Variants in TTC28 observed in about 807,000 individuals in gnomAD.
The protein encoded by TTC28 is tetratricopeptide repeat protein 28.
In TTC28, 61 loss-of-function variants were observed where a neutral mutation model predicts 198.0. The ratio of observed to expected loss-of-function variants is 0.31; its 90% CI spans 0.25 to 0.38. The LOEUF (loss-of-function observed/expected upper bound fraction) is 0.38, where lower values mean the gene tolerates loss of function less well. Among genes scored for constraint, TTC28 ranks in the 10% least tolerant of loss-of-function variants. The probability of loss-of-function intolerance (pLI) is 1.00; values close to 1 mark genes in which losing one functional copy is unlikely to be tolerated. For missense variants in TTC28, 2,678 were observed against 3,164.0 expected, an observed-to-expected ratio of 0.85 and a Z score of 3.69; for synonymous variants, 1,171 against 1,297.8, an observed-to-expected ratio of 0.90 and a Z score of 2.10.
At chr22:28,462,730 T>G (rs2047966508) in intron 2 of TTC28, among the ~76,000 whole-genome samples, 1 of 152,192 alleles carries the variant, frequency 6.6e-6, no homozygotes, top group Non-Finnish European at 1.5e-5. Flanking sequence ...GATTGGCATC[T>G]CATTCCCCAT....
At chr22:28,613,891 G>C (rs940002976) in intron 2 of TTC28, among the ~76,000 whole-genome samples, 2 of 152,166 alleles carry the variant, frequency 1.3e-5, no homozygotes, top group African/African-American at 4.8e-5. Flanking sequence ...CACAAGACAA[G>C]GATGCCCTTT....
chr22:28,571,685 T>C (rs2146027517), intron 2 of TTC28, among the ~76,000 whole-genome samples: 1 of 152,316 alleles, frequency 6.6e-6, no homozygotes, highest in Middle Eastern at 3.4e-3. Flanking sequence ...CGGTGGTTCA[T>C]GCCTGTAATC....
At chr22:28,498,241 C>T (rs554344780) in intron 2 of TTC28, among the ~76,000 whole-genome samples, 3 of 151,968 alleles carry the variant, frequency 2.0e-5, no homozygotes, top group African/African-American at 4.8e-5. Context: ...AATAAAACAA[C>T]GAACAGATCA....
At position 28,212,316 on chromosome 22, in the gene TTC28, C is replaced by T. The variant is rs138536739; in HGVS notation, c.934-48717G>A. On this transcript the variant is annotated intron_variant, in intron 5 of 22. Coordinates refer to ENST00000397906, the MANE Select transcript of TTC28 (RefSeq NM_001145418.2). ...GGAGATAGAGACACAAAAAACCCTTCAAAAAATCAAGGAATCCAGGAGCTG... is the reference window on the plus strand; with the variant it reads ...GGAGATAGAGACACAAAAAACCCTTTAAAAAATCAAGGAATCCAGGAGCTG... Among the ~76,000 whole-genome samples, 932 of 151,270 alleles carry T rather than the reference C, an allele frequency of 6.2e-3. 10 individuals are homozygous for T. The highest frequency in any genetic ancestry group is 8.8e-3 in the Non-Finnish European group (597 of 67,758).
intron 2 of TTC28, among the ~76,000 whole-genome samples, chr22:28,337,478 T>C (rs1214899939): frequency 6.6e-6 from 1 of 152,154 alleles, no homozygotes; most frequent in Non-Finnish European, 1.5e-5. Flanking sequence ...GGGGTCTAAG[T>C]CTCTTTGTAG....
intron 11 of TTC28, 62 bp from the exon 12 acceptor site, chr22:28,094,307 AAGGC>A: frequency 6.9e-7 from 1 of 1,443,810 alleles, no homozygotes; most frequent in Non-Finnish European, 9.2e-7. Context: ...GGAGAAGTTG[AAGGC>A]AGGGGACAGG....
intron 6 of TTC28, among the ~76,000 whole-genome samples, chr22:28,116,564 G>C (rs550947538): frequency 6.6e-6 from 1 of 152,318 alleles, no homozygotes; most frequent in Non-Finnish European, 1.5e-5. Context: ...GTTTGGAAAA[G>C]TCAGAGTGTG....
chr22:28,406,933 A>G (rs927069976), intron 2 of TTC28, among the ~76,000 whole-genome samples: 4 of 152,220 alleles, frequency 2.6e-5, no homozygotes, highest in Non-Finnish European at 5.9e-5. Flanking sequence ...TTACTGGACC[A>G]ATTTTGGCCC....
intron 2 of TTC28, among the ~76,000 whole-genome samples, chr22:28,425,553 T>C (rs1412390033): frequency 5.3e-5 from 8 of 152,236 alleles, no homozygotes; most frequent in East Asian, 1.9e-4. Context: ...CTCTGATATA[T>C]TGAATGGCTG....
intron 12 of TTC28, among the ~76,000 whole-genome samples, chr22:28,050,758 CA>C (rs1367318723): frequency 6.6e-6 from 1 of 152,072 alleles, no homozygotes; most frequent in Non-Finnish European, 1.5e-5. Context: ...AATATTATAG[CA>C]AAACTCATAC....
intron 2 of TTC28, among the ~76,000 whole-genome samples, chr22:28,352,202 A>C (rs2046006900): frequency 6.6e-6 from 1 of 152,064 alleles, no homozygotes; most frequent in African/African-American, 2.4e-5. Context: ...CTTATCCCTT[A>C]TTTAATAGCT....
At chr22:28,333,842 TTTTC>T (rs1386918169) in intron 2 of TTC28, among the ~76,000 whole-genome samples, 8 of 152,020 alleles carry the variant, frequency 5.3e-5, no homozygotes, top group Non-Finnish European at 1.2e-4. Flanking sequence ...AATCACTGTA[TTTTC>T]TTTATTTTTT....
At chr22:28,508,599 T>G (rs2048644007) in intron 2 of TTC28, among the ~76,000 whole-genome samples, 1 of 152,062 alleles carries the variant, frequency 6.6e-6, no homozygotes, top group Non-Finnish European at 1.5e-5. Context: ...AAACACACTT[T>G]AAACCAACAA....
intron 6 of TTC28, among the ~76,000 whole-genome samples, chr22:28,115,878 G>A (rs1483080775): frequency 6.6e-6 from 1 of 152,100 alleles, no homozygotes; most frequent in Non-Finnish European, 1.5e-5. Flanking sequence ...ACTCTGAGGA[G>A]CCTGCTATAA....
chr22:28,572,033 A>G (rs548298795), intron 2 of TTC28, among the ~76,000 whole-genome samples: 13 of 151,278 alleles, frequency 8.6e-5, no homozygotes, highest in Non-Finnish European at 1.6e-4. Context: ...AGAGAAACTC[A>G]TTGTATAAAG....
intron 2 of TTC28, among the ~76,000 whole-genome samples, chr22:28,620,421 T>C (rs1355752240): frequency 1.3e-5 from 2 of 152,044 alleles, no homozygotes; most frequent in African/African-American, 2.4e-5. Context: ...CTTACATAAT[T>C]CTGACTGAAA....
intron 5 of TTC28, among the ~76,000 whole-genome samples, chr22:28,259,618 T>C (rs1931183812): frequency 6.6e-6 from 1 of 151,884 alleles, no homozygotes; most frequent in African/African-American, 2.4e-5. Flanking sequence ...TATGAAAAAA[T>C]GTGTTGCATG....
In TTC28 at chr22:28,248,356, A is replaced by G. The variant is rs150511398; in HGVS notation, c.933+47842T>C. ...GGCTGAATTTACCTTATTCTCCACT[A>G]CTTTCTCAGGCTCTTCTTCATCATG... On this transcript the variant is annotated intron_variant, in intron 5 of 22. Transcript: ENST00000397906. 1.2e-4 allele frequency among the ~76,000 whole-genome samples: 19 copies of G among 152,262 alleles called. No homozygotes were observed. In the East Asian group the frequency reaches 3.1e-3, roughly 25 times the overall value.
chr22:28,055,834 G>T (rs1373763292), intron 12 of TTC28, among the ~76,000 whole-genome samples: 3 of 151,854 alleles, frequency 2.0e-5, no homozygotes, highest in Admixed American at 2.0e-4. Flanking sequence ...CACTCATACC[G>T]TCACCCCTAG....
Sources: gnomAD v4.1 joint callset for allele counts (sites outside exome capture counted in the v4.1 genomes callset) on GRCh38, gnomAD v4.1.1 for gene constraint, MANE v1.5 for transcripts, NCBI Gene and HGNC (gene_info 2026-07-23, HGNC 2026-07-21) for gene names.